The following ZNF804B variants were observed in gnomAD, a reference collection of about 807,000 sequenced individuals.
ZNF804B encodes zinc finger protein 804B, also known as zinc finger 804B.
Under a neutral mutation model 101.4 loss-of-function variants are expected in ZNF804B, and 80 were observed. The observed-to-expected ratio is 0.79, with a 90% CI of 0.66 to 0.95. The LOEUF is 0.95. Ranked by LOEUF, ZNF804B falls within the 40% of genes least tolerant of loss-of-function variation. The pLI is 0.00. For synonymous variants in ZNF804B, 622 were observed against 558.8 expected (o/e 1.11, Z -1.59); for missense variants, 1,673 against 1,561.9 (o/e 1.07, Z -1.20).
At chr7:89,029,092 T>C (rs1274339927) in intron 1 of ZNF804B, among the ~76,000 whole-genome samples, 1 of 152,108 alleles carries the variant, frequency 6.6e-6, no homozygotes, top group Non-Finnish European at 1.5e-5. Flanking sequence ...GAATGTTTTT[T>C]GGAAAAGCTA....
At chr7:89,212,810 T>C (rs769721455) in intron 1 of ZNF804B, among the ~76,000 whole-genome samples, 4 of 152,144 alleles carry the variant, frequency 2.6e-5, no homozygotes, top group Admixed American at 6.5e-5. Context: ...CTCCTGTGTC[T>C]ATAATTTCTT....
At chr7:88,967,829 C>T (rs558524159) in intron 1 of ZNF804B, among the ~76,000 whole-genome samples, 3 of 151,246 alleles carry the variant, frequency 2.0e-5, no homozygotes, top group East Asian at 3.9e-4. Context: ...TTCCTGGAGC[C>T]AGAGAAGGGT....
At chr7:88,843,327 GTGGTAACTTAAGTAAGT>G (rs1410437776) in intron 1 of ZNF804B, among the ~76,000 whole-genome samples, 7 of 151,828 alleles carry the variant, frequency 4.6e-5, no homozygotes, top group African/African-American at 9.7e-5. Flanking sequence ...TCAAATGATT[GTGGTAACTTAAGTAAGT>G]AGATCTATGG....
chr7:89,281,541 G>C (rs759553391), intron 2 of ZNF804B, among the ~76,000 whole-genome samples: 1 of 152,066 alleles, frequency 6.6e-6, no homozygotes, highest in Non-Finnish European at 1.5e-5. Flanking sequence ...AACAACTATC[G>C]TTTCTGCTCT....
chr7:88,887,126 CA>C (rs1792139201), intron 1 of ZNF804B, among the ~76,000 whole-genome samples: 1 of 152,042 alleles, frequency 6.6e-6, no homozygotes, highest in Non-Finnish European at 1.5e-5. Context: ...ATTGCGGAGA[CA>C]AGGGAACTCT....
intron 1 of ZNF804B, among the ~76,000 whole-genome samples, chr7:89,017,371 A>G (rs1788585322): frequency 1.3e-5 from 2 of 152,106 alleles, no homozygotes; most frequent in Non-Finnish European, 2.9e-5. Flanking sequence ...TTCCAACACT[A>G]TGTTGAATAG....
chr7:88,967,604 A>G (rs949809238), intron 1 of ZNF804B, among the ~76,000 whole-genome samples: 1 of 130,506 alleles, frequency 7.7e-6, no homozygotes, highest in African/African-American at 2.7e-5. Flanking sequence ...TACTAATAGA[A>G]CAATAGTAAA....
At chr7:88,949,719 T>G (rs1344485544) in intron 1 of ZNF804B, among the ~76,000 whole-genome samples, 1 of 151,924 alleles carries the variant, frequency 6.6e-6, no homozygotes, top group Non-Finnish European at 1.5e-5. Context: ...CGTAAAGATG[T>G]TTTCATCAAC....
intron 2 of ZNF804B, among the ~76,000 whole-genome samples, chr7:89,298,714 T>C (rs1790431046): frequency 6.6e-6 from 1 of 151,946 alleles, no homozygotes; most frequent in East Asian, 1.9e-4. Context: ...TTTTATTATA[T>C]TTGGTGCATA....
intron 1 of ZNF804B, among the ~76,000 whole-genome samples, chr7:89,017,015 G>A (rs537068548): frequency 6.6e-6 from 1 of 152,222 alleles, no homozygotes; most frequent in South Asian, 2.1e-4. Flanking sequence ...ATTTCATTGA[G>A]CTGTGGTTTG....
At chr7:88,900,043 T>C (rs951766829) in intron 1 of ZNF804B, among the ~76,000 whole-genome samples, 4 of 152,106 alleles carry the variant, frequency 2.6e-5, no homozygotes, top group African/African-American at 9.7e-5. Context: ...AGTAAACATG[T>C]TCTAAGGCTG....
chr7:88,861,922 A>T (rs1358646267), intron 1 of ZNF804B, among the ~76,000 whole-genome samples: 1 of 152,156 alleles, frequency 6.6e-6, no homozygotes, highest in African/African-American at 2.4e-5. Flanking sequence ...GCCATGTGGG[A>T]TGGAGGAGAA....
intron 1 of ZNF804B, among the ~76,000 whole-genome samples, chr7:88,827,485 T>A (rs1791066182): frequency 6.6e-6 from 1 of 152,028 alleles, no homozygotes; most frequent in Admixed American, 6.6e-5. Context: ...AAAACTTTTA[T>A]GTTAATGTTC....
At chr7:89,096,167 A>G (rs1016781860) in intron 1 of ZNF804B, among the ~76,000 whole-genome samples, 2 of 151,902 alleles carry the variant, frequency 1.3e-5, no homozygotes, top group Admixed American at 6.6e-5. Flanking sequence ...AAAAAAAAAA[A>G]AAAAGAAAAT....
At chr7:89,156,735 T>G (rs975252038) in intron 1 of ZNF804B, among the ~76,000 whole-genome samples, 1 of 152,150 alleles carries the variant, frequency 6.6e-6, no homozygotes, top group Non-Finnish European at 1.5e-5. Flanking sequence ...ATTTCTCTAA[T>G]GCAAAAATTT....
At chr7:88,910,191 A>T (rs1453252290) in intron 1 of ZNF804B, among the ~76,000 whole-genome samples, 1 of 151,948 alleles carries the variant, frequency 6.6e-6, no homozygotes, top group Non-Finnish European at 1.5e-5. Context: ...CATCAGGTTT[A>T]TCTCTCACCA....
At chr7:88,990,600 T>A (rs1793830728) in intron 1 of ZNF804B, among the ~76,000 whole-genome samples, 1 of 152,120 alleles carries the variant, frequency 6.6e-6, no homozygotes, top group African/African-American at 2.4e-5. Flanking sequence ...TCTACCATAT[T>A]GTATCCCAGA....
At chr7:89,209,553 T>A (rs1788771808) in intron 1 of ZNF804B, among the ~76,000 whole-genome samples, 1 of 152,214 alleles carries the variant, frequency 6.6e-6, no homozygotes, top group Non-Finnish European at 1.5e-5. Context: ...AGGAAAACTC[T>A]TCAATATGCA....
intron 1 of ZNF804B, among the ~76,000 whole-genome samples, chr7:89,142,501 G>T (rs1562895727): frequency 1.3e-5 from 2 of 151,872 alleles, no homozygotes; most frequent in Non-Finnish European, 2.9e-5. Flanking sequence ...TCCTCCTCTT[G>T]GTATCCATTG....
Sources: gnomAD v4.1 joint callset for allele counts (sites outside exome capture counted in the v4.1 genomes callset) on GRCh38, gnomAD v4.1.1 for gene constraint, MANE v1.5 for transcripts, NCBI Gene and HGNC (gene_info 2026-07-23, HGNC 2026-07-21) for gene names.